The following CACNA1I variants were observed in gnomAD, a reference collection of about 807,000 sequenced individuals.
CACNA1I encodes calcium voltage-gated channel subunit alpha1 I, also known as voltage-dependent T-type calcium channel subunit alpha-1I.
Under a neutral mutation model 201.6 loss-of-function variants are expected in CACNA1I, and 74 were observed. The observed-to-expected ratio is 0.37, with a 90% CI of 0.30 to 0.45. CACNA1I has a LOEUF of 0.45. Among genes scored for constraint, CACNA1I ranks in the 20% least tolerant of loss-of-function variants. The pLI is 1.00. For missense variants in CACNA1I, 2,346 were observed against 3,138.1 expected (o/e 0.75, Z 6.03); for synonymous variants, 1,431 against 1,345.2 (o/e 1.06, Z -1.40).
chr22:39,686,274 G>T lies in CACNA1I; in HGVS notation c.6541G>T (p.Ala2181Ser). 7.6e-7 allele frequency: 1 copy of T among 1,309,770 alleles called. No homozygotes were observed. The highest frequency in any genetic ancestry group is 9.7e-7 in the Non-Finnish European group (1 of 1,026,110). 81.1% of individuals were successfully genotyped at this position (1,309,770 alleles called of 1,614,324 possible). A position where few individuals can be genotyped will look rare whatever the true frequency, so the allele number is the denominator to read the frequency against. ...CGGCCTGGCCCGGAGCCCCTCGTGG[G>T]CCGCGGACCGCAGCAAGGACCCCCC... is the stretch of plus-strand genomic sequence containing the variant. ...AHGLARSPSW[A>S]ADRSKDPPGR... Residue 2181 changes from alanine (A) to serine (S), a missense_variant, in exon 37 of 37, where the codon GCC becomes TCC. By Grantham distance (99) the Ala-to-Ser change is moderately conservative. This residue lies in a region of CACNA1I where 187 missense variants were observed against 151.0 expected (regional missense o/e 1.24). Coordinates refer to ENST00000402142, the MANE Select transcript of CACNA1I (RefSeq NM_021096.4).
Position 39,640,954 on chromosome 22 carries a change from G to A in CACNA1I, c.828G>A (p.Gly276=), listed in dbSNP as rs201411799. The A allele has an allele frequency of 1.1e-3, 1,757 of 1,614,034 alleles. 1 individual carries two copies. The highest frequency in any genetic ancestry group is 1.3e-3 in the Non-Finnish European group (1,575 of 1,179,894). The change falls in exon 6 of 37, where the codon GGG becomes GGA. Residue 276 remains glycine (G), a synonymous_variant. Coordinates refer to ENST00000402142, the MANE Select transcript of CACNA1I (RefSeq NM_021096.4). Reference sequence around the variant, plus strand: ...TCTGCTCCCTGTCGGGCGACAATGGGATAATGGGCTGCCATGAGATCCCCC... The same window carrying A: ...TCTGCTCCCTGTCGGGCGACAATGGAATAATGGGCTGCCATGAGATCCCCC... ...PFICSLSGDN[G]IMGCHEIPPL... is the part of the protein sequence containing the mutation.
chr22:39,686,306 G>C lies in CACNA1I; in HGVS notation c.6573G>C (p.Arg2191=), dbSNP rs1430377931. Residue 2191 remains arginine (R), a synonymous_variant, in exon 37 of 37, where the codon CGG becomes CGC. Transcript: ENST00000402142. ...ACCGCAGCAAGGACCCCCCCGGCCG[G>C]GCACCGCTGCCCATGGGCCTGGGCC... The part of the protein sequence containing the change: ...AADRSKDPPG[R]APLPMGLGPL... 3 of 1,329,486 alleles carry C rather than the reference G, an allele frequency of 2.3e-6. No individual in the cohort carries two copies. Among genetic ancestry groups the C allele is most frequent in the Non-Finnish European group, 1.9e-6 (2 of 1,035,944 alleles). 82.4% of individuals were successfully genotyped at this position (1,329,486 alleles called of 1,614,324 possible). A position where few individuals can be genotyped will look rare whatever the true frequency, so the allele number is the denominator to read the frequency against.
chr22:39,657,698 A>G (rs1387073971), intron 10 of CACNA1I, among the ~76,000 whole-genome samples: 3 of 152,166 alleles, frequency 2.0e-5, no homozygotes, highest in Admixed American at 1.3e-4. Context: ...AAGTGAAGTG[A>G]TGGCTGTAAA....
At chr22:39,577,381 G>A (rs1055753891) in intron 1 of CACNA1I, among the ~76,000 whole-genome samples, 1 of 152,210 alleles carries the variant, frequency 6.6e-6, no homozygotes, top group African/African-American at 2.4e-5. Flanking sequence ...CCATGCACCT[G>A]GTGGAGACCC....
intron 1 of CACNA1I, among the ~76,000 whole-genome samples, chr22:39,574,887 G>C (rs747344473): frequency 2.0e-5 from 3 of 152,180 alleles, no homozygotes; most frequent in Non-Finnish European, 4.4e-5. Flanking sequence ...TCATGTCCTG[G>C]TGCTGAGGGG....
rs534244435 is a variant in CACNA1I, at chr22:39,595,246, G to A, written c.237-2905G>A. Among the ~76,000 whole-genome samples the A allele has an allele frequency of 6.6e-5, 10 of 151,946 alleles. No individual in the cohort carries two copies. In the East Asian group the frequency reaches 1.5e-3, roughly 24 times the overall value. On this transcript the variant is annotated intron_variant, in intron 1 of 36. Transcript: ENST00000402142. ...GGAGGTTGCAGTGAGCCGAGATCAC[G>A]CCACTGCACTTCAGCCTGGCGACAG...
chr22:39,634,501 C>T, intron 4 of CACNA1I, 64 bp from the exon 5 acceptor site: 1 of 1,528,842 alleles, frequency 6.5e-7, no homozygotes, highest in African/African-American at 1.4e-5. Flanking sequence ...ACCTTGCTCT[C>T]ACTCTTTCGT....
chr22:39,649,697 G>A lies in CACNA1I; in HGVS notation c.1764G>A (p.Glu588=). Residue 588 remains glutamate, a synonymous_variant, in exon 10 of 37, where the codon GAG becomes GAA. Transcript: ENST00000402142. This position sits in a 1 kb window ranked among gnomAD's most constrained non-coding sequence, Gnocchi z 7.3. ...GSGSSAGGED[E]ADGDGARSSE... is the part of the protein sequence containing the mutation. The stretch of plus-strand genomic sequence containing the variant: ...GGAGCTCCGCTGGTGGCGAGGACGA[G>A]GCGGATGGGGACGGGGCCCGGAGCA... 7.9e-6 allele frequency: 12 copies of A among 1,520,834 alleles called. No individual in the cohort carries two copies. Among genetic ancestry groups the A allele is most frequent in the Non-Finnish European group, 1.1e-5 (12 of 1,130,974 alleles). 94.2% of individuals were successfully genotyped at this position (1,520,834 alleles called of 1,614,324 possible). A position where few individuals can be genotyped will look rare whatever the true frequency, so the allele number is the denominator to read the frequency against.
chr22:39,616,941 T>C (rs1933556784), intron 3 of CACNA1I, among the ~76,000 whole-genome samples: 2 of 152,136 alleles, frequency 1.3e-5, no homozygotes, highest in African/African-American at 4.8e-5. Context: ...AGGTGGAGCC[T>C]GGTGGCCGTG....
intron 1 of CACNA1I, among the ~76,000 whole-genome samples, chr22:39,574,937 C>T (rs1932296439): frequency 6.6e-6 from 1 of 152,236 alleles, no homozygotes. Context: ...GCCTGGTGCT[C>T]CCTGACTCAG....
In CACNA1I at chr22:39,682,014, C is replaced by G. The variant is rs947755412; in HGVS notation, c.5665-482C>G. Among the ~76,000 whole-genome samples the G allele has an allele frequency of 3.3e-5, 5 of 152,100 alleles. No homozygotes were observed. In the South Asian group the frequency reaches 1.0e-3, roughly 32 times the overall value. ...CAAGTCATTGGAGGTCGGGGTGGCA[C>G]GAGTTCATCTGCCTTGGAGGGGGCA... On this transcript the variant is annotated intron_variant, in intron 34 of 36. Coordinates refer to ENST00000402142, the MANE Select transcript of CACNA1I (RefSeq NM_021096.4).
intron 1 of CACNA1I, among the ~76,000 whole-genome samples, chr22:39,578,584 CT>C (rs1382632266): frequency 2.6e-5 from 4 of 151,784 alleles, no homozygotes; most frequent in African/African-American, 7.3e-5. Context: ...CTCCCCTGGG[CT>C]CCCCCTCTCC....
rs3044377 is a variant in CACNA1I, at chr22:39,588,365, T to TTTTC, written c.237-9766_237-9763dup. On this transcript the variant is annotated intron_variant, in intron 1 of 36. Coordinates refer to ENST00000402142, the MANE Select transcript of CACNA1I (RefSeq NM_021096.4). ...AAATCCTAATGTGCAGTTCAAGGCG[T>TTTTC]TTTCTTTCTTTCTTTCTTTCTTTTT... Among the ~76,000 whole-genome samples the TTTTC allele has an allele frequency of 1.1e-3, 146 of 132,162 alleles. 2 individuals carry two copies. The highest frequency in any genetic ancestry group is 2.7e-3 in the African/African-American group (98 of 35,698). The allele number at this position is 132,162 out of a possible 152,430, so 86.7% of individuals were successfully genotyped here. A position where few individuals can be genotyped will look rare whatever the true frequency, so the allele number is the denominator to read the frequency against.
chr22:39,638,247 G>A (rs966450013), intron 5 of CACNA1I, among the ~76,000 whole-genome samples: 2 of 152,170 alleles, frequency 1.3e-5, no homozygotes, highest in African/African-American at 2.4e-5. Flanking sequence ...GCCCCAGTTG[G>A]GGTCAAGATT....
At chr22:39,598,100 A>G (rs760546) in intron 1 of CACNA1I, 51 bp from the exon 2 acceptor site, 958,879 of 1,125,636 alleles carry the variant, frequency 0.85, 409,672 homozygotes, top group South Asian at 0.91. Context: ...GGTGCACCCC[A>G]GCCCCCACGG....
intron 3 of CACNA1I, among the ~76,000 whole-genome samples, chr22:39,601,731 T>C (rs1403693245): frequency 6.6e-6 from 1 of 151,758 alleles, no homozygotes; most frequent in African/African-American, 2.4e-5. Context: ...TCTGCTAAAT[T>C]CCACAGATGT....
intron 5 of CACNA1I, among the ~76,000 whole-genome samples, chr22:39,637,619 A>G (rs978366542): frequency 6.6e-6 from 1 of 152,210 alleles, no homozygotes; most frequent in African/African-American, 2.4e-5. Flanking sequence ...AACAACCCCA[A>G]ACCATTGGCA....
chr22:39,662,938 C>T, intron 18 of CACNA1I, 62 bp downstream of exon 18: 1 of 1,153,960 alleles, frequency 8.7e-7, no homozygotes, highest in East Asian at 2.6e-5. Context: ...GGACGGATCT[C>T]TGCCAAGCCA....
At chr22:39,585,711 A>C (rs560052667) in intron 1 of CACNA1I, among the ~76,000 whole-genome samples, 2,055 of 142,188 alleles carry the variant, frequency 0.014, 28 homozygotes, top group Non-Finnish European at 0.025. Context: ...AAAAAAAAAA[A>C]AAAAAAACTT....
Sources: allele counts gnomAD v4.1 joint callset (sites outside exome capture counted in the v4.1 genomes callset), GRCh38; gene constraint gnomAD v4.1.1; regional missense constraint gnomAD v4.1.1; non-coding constraint Gnocchi (gnomAD v3.1); transcripts MANE v1.5; gene names NCBI Gene and HGNC (gene_info 2026-07-23, HGNC 2026-07-21).